The following RIPOR3 variants were observed in gnomAD, a reference collection of about 807,000 sequenced individuals.
RIPOR3 encodes RIPOR family member 3.
A neutral mutation model predicts 114.3 loss-of-function variants in RIPOR3; 95 were observed. That is an observed-to-expected ratio of 0.83 (90% CI 0.70 to 0.99). The LOEUF is 0.99. RIPOR3 is among the 50% of genes least tolerant of loss of function. The pLI, the probability that RIPOR3 is intolerant of heterozygous loss-of-function variation, is 0.00. For synonymous variants in RIPOR3, 575 were observed against 543.8 expected, an observed-to-expected ratio of 1.06 and a Z score of -0.80; for missense variants, 1,252 against 1,266.9, an observed-to-expected ratio of 0.99 and a Z score of 0.18.
intron 1 of RIPOR3, among the ~76,000 whole-genome samples, chr20:50,650,233 T>A (rs59936925): frequency 0.14 from 21,888 of 151,982 alleles, 2,176 homozygotes; most frequent in African/African-American, 0.29. Flanking sequence ...TCACCAGGCC[T>A]CCACCCTCGA....
intron 2 of RIPOR3, among the ~76,000 whole-genome samples, chr20:50,623,738 C>T (rs1306399714): frequency 6.6e-6 from 1 of 152,192 alleles, no homozygotes; most frequent in African/African-American, 2.4e-5. Context: ...GGTGAGAACA[C>T]GTGAGCCTAA....
At chr20:50,677,827 G>A (rs1324951087) in intron 1 of RIPOR3, among the ~76,000 whole-genome samples, 1 of 151,590 alleles carries the variant, frequency 6.6e-6, no homozygotes, top group African/African-American at 2.4e-5. Context: ...GTGCCACCAC[G>A]CCCAGCTAAT....
At chr20:50,597,199 C>G (rs892829876) in intron 14 of RIPOR3, 26 of 177,420 alleles carry the variant, frequency 1.5e-4, no homozygotes, top group African/African-American at 5.9e-4. Context: ...CTCCTGACCT[C>G]AGGTAATCCG....
At chr20:50,670,980 T>C (rs368112699) in intron 1 of RIPOR3, among the ~76,000 whole-genome samples, 1 of 152,018 alleles carries the variant, frequency 6.6e-6, no homozygotes, top group South Asian at 2.1e-4. Context: ...CAGGCTGGAG[T>C]GCAGTGGTGT....
chr20:50,658,987 G>GTT lies in RIPOR3; in HGVS notation c.4-28133_4-28132dup, dbSNP rs546711718. 2.8e-3 allele frequency among the ~76,000 whole-genome samples: 430 copies of GTT among 152,356 alleles called. 2 individuals carry two copies. The highest frequency in any genetic ancestry group is 0.01 in the African/African-American group (423 of 41,584). ...CAAGTACCCAGTGCCAAACGGAACT[G>GTT]TTGGCCCTGAGAGCTCAGAGTTCAG... On this transcript the variant is annotated intron_variant, in intron 1 of 21. Coordinates refer to ENST00000327979, the MANE Select transcript of RIPOR3 (RefSeq NM_001290268.2).
At position 50,620,897 on chromosome 20, in the gene RIPOR3, G is replaced by C. The variant is rs140792210; in HGVS notation, c.123-765C>G. The C allele has an allele frequency of 9.4e-3, 6,010 of 638,488 alleles. 54 individuals carry two copies. The highest frequency in any genetic ancestry group is 0.013 in the South Asian group (900 of 70,092). 39.6% of individuals were successfully genotyped at this position (638,488 alleles called of 1,614,324 possible). A position where few individuals can be genotyped will look rare whatever the true frequency, so the allele number is the denominator to read the frequency against. The stretch of plus-strand genomic sequence containing the variant: ...GTTTGTGCGGGACATGATCCGGGAG[G>C]TGTGTGGCTTTGCCCTGTACAAGCA... On this transcript the variant is annotated intron_variant, in intron 2 of 21. Coordinates refer to ENST00000327979, the MANE Select transcript of RIPOR3 (RefSeq NM_001290268.2).
intron 1 of RIPOR3, among the ~76,000 whole-genome samples, chr20:50,689,102 C>A (rs2087122249): frequency 6.6e-6 from 1 of 151,982 alleles, no homozygotes; most frequent in South Asian, 2.1e-4. Context: ...CACCTTCATT[C>A]CCGCCTCCTC....
intron 1 of RIPOR3, chr20:50,660,306 A>C (rs954512752): frequency 1.3e-5 from 2 of 152,254 alleles, no homozygotes; most frequent in Admixed American, 6.5e-5. Flanking sequence ...ATAGCTCTGC[A>C]GTCTGAGACA....
chr20:50,593,145 C>G lies in RIPOR3; in HGVS notation c.2264G>C (p.Gly755Ala). The change falls in exon 18 of 22, where the codon GGA (glycine) becomes GCA (alanine). Residue 755 changes from glycine to alanine, a missense_variant. Physicochemically the swap from Gly to Ala is moderately conservative, Grantham distance 60. Transcript: ENST00000327979. ...GATCTGTTCTTCTGGGAGCCCAGCT[C>G]CGGGGAGCAGCCCACCACAGCTGAC... The part of the protein sequence containing the change: ...QVVSCGGLLP[G>A]AGLPEEQIIT... 1 of 1,613,836 alleles carries G rather than the reference C, an allele frequency of 6.2e-7. No individual in the cohort carries two copies. Among genetic ancestry groups the G allele is most frequent in the African/African-American group, 1.3e-5 (1 of 75,062 alleles).
In RIPOR3 at chr20:50,593,144, T is replaced by A; in HGVS notation, c.2265A>T (p.Gly755=). The A allele has an allele frequency of 2.5e-6, 4 of 1,613,798 alleles. No homozygotes were observed. The highest frequency in any genetic ancestry group is 3.4e-6 in the Non-Finnish European group (4 of 1,180,016). ...TGATCTGTTCTTCTGGGAGCCCAGC[T>A]CCGGGGAGCAGCCCACCACAGCTGA... ...QVVSCGGLLP[G]AGLPEEQIIT... is the part of the protein sequence containing the mutation. Residue 755 remains glycine, a synonymous_variant, in exon 18 of 22, where the codon GGA becomes GGT. Coordinates refer to ENST00000327979, the MANE Select transcript of RIPOR3 (RefSeq NM_001290268.2).
chr20:50,606,683 C>T (rs1363422801), intron 11 of RIPOR3, among the ~76,000 whole-genome samples: 2 of 151,910 alleles, frequency 1.3e-5, no homozygotes, highest in Non-Finnish European at 2.9e-5. Context: ...TGCCCTTGAG[C>T]CACATGCTCG....
intron 1 of RIPOR3, among the ~76,000 whole-genome samples, chr20:50,684,200 C>A (rs908807910): frequency 9.2e-5 from 14 of 151,918 alleles, no homozygotes; most frequent in African/African-American, 3.4e-4. Context: ...GAAAAATAAA[C>A]CAGAAAAGGG....
At chr20:50,666,192 C>CTTTTCT (rs2086206952) in intron 1 of RIPOR3, among the ~76,000 whole-genome samples, 1 of 26,710 alleles carries the variant, frequency 3.7e-5, no homozygotes, top group African/African-American at 6.4e-5. Flanking sequence ...CATTTCTTTT[C>CTTTTCT]TTTTCTTTTC....
At chr20:50,655,690 T>TGC (rs964601497) in intron 1 of RIPOR3, among the ~76,000 whole-genome samples, 1 of 151,990 alleles carries the variant, frequency 6.6e-6, no homozygotes, top group African/African-American at 2.4e-5. Context: ...TGTGTGTGTG[T>TGC]GTGTGTGTGT....
intron 14 of RIPOR3, 162 bp downstream of exon 14, chr20:50,597,418 G>A (rs2122929306): frequency 9.6e-7 from 1 of 1,039,798 alleles, no homozygotes; most frequent in Non-Finnish European, 1.4e-6. Context: ...GCAAGTGGGG[G>A]ATGTGCGGGG....
chr20:50,617,457 C>T (rs1156803416), intron 3 of RIPOR3, among the ~76,000 whole-genome samples: 1 of 152,066 alleles, frequency 6.6e-6, no homozygotes, highest in Non-Finnish European at 1.5e-5. Flanking sequence ...CAGCTTGCTG[C>T]AGCCTCCACC....
At chr20:50,620,201 C>A in intron 2 of RIPOR3, 69 bp from the exon 3 acceptor site, 1 of 1,572,946 alleles carries the variant, frequency 6.4e-7, no homozygotes, top group Admixed American at 1.7e-5. Context: ...CAGGGGCAGG[C>A]ACTTTGGAAA....
intron 1 of RIPOR3, among the ~76,000 whole-genome samples, chr20:50,682,028 C>T (rs1347342324): frequency 6.6e-6 from 1 of 152,112 alleles, no homozygotes; most frequent in Non-Finnish European, 1.5e-5. Flanking sequence ...ATTGGTACAA[C>T]CATTAGAAGA....
At chr20:50,659,790 T>A (rs1161155366) in intron 1 of RIPOR3, 1 of 151,768 alleles carries the variant, frequency 6.6e-6, no homozygotes, top group Non-Finnish European at 1.5e-5. Flanking sequence ...ACCAGCTGAG[T>A]CCTGACTTCT....
Sources: allele counts gnomAD v4.1 joint callset (sites outside exome capture counted in the v4.1 genomes callset), GRCh38; gene constraint gnomAD v4.1.1; transcripts MANE v1.5; gene names NCBI Gene and HGNC (gene_info 2026-07-23, HGNC 2026-07-21).